SCYL2: variants seen among roughly 807,000 people sequenced by gnomAD.
SCYL2 encodes SCY1-like protein 2.
Under a neutral mutation model 100.4 loss-of-function variants are expected in SCYL2, and 36 were observed. The observed-to-expected ratio is 0.36, with a 90% CI of 0.27 to 0.47. The LOEUF is 0.47. SCYL2 is among the 20% of genes least tolerant of loss of function. The pLI is 1.00. For synonymous variants in SCYL2, 330 were observed against 359.2 expected (o/e 0.92, Z 0.92); for missense variants, 902 against 1,083.9 (o/e 0.83, Z 2.36).
chr12:100,339,051 G>C lies in SCYL2; in HGVS notation c.2669G>C (p.Gly890Ala), dbSNP rs1228598494. 4.3e-6 allele frequency: 7 copies of C among 1,614,076 alleles called. No individual in the cohort carries two copies. Among genetic ancestry groups the C allele is most frequent in the Non-Finnish European group, 5.9e-6 (7 of 1,179,964 alleles). ...SVMGTQMNVI[G>A]QSAFGMQGNP... ...ATGGGGACACAGATGAACGTGATAG[G>C]ACAATCTGCTTTTGGTATGCAGGGT... Residue 890 changes from glycine to alanine, a missense_variant, in exon 18 of 18, where the codon GGA becomes GCA. Physicochemically the swap from Gly to Ala is moderately conservative, Grantham distance 60. Coordinates refer to ENST00000360820, the MANE Select transcript of SCYL2 (RefSeq NM_017988.6).
intron 11 of SCYL2, among the ~76,000 whole-genome samples, chr12:100,324,176 T>C (rs969805436): frequency 2.0e-5 from 3 of 152,160 alleles, no homozygotes. Flanking sequence ...AATACAAAAT[T>C]TTAACATTCA....
intron 2 of SCYL2, among the ~76,000 whole-genome samples, chr12:100,284,822 T>C (rs951403062): frequency 6.6e-6 from 1 of 152,180 alleles, no homozygotes; most frequent in Non-Finnish European, 1.5e-5. Flanking sequence ...ATTATTTTTT[T>C]CTGGAATCTC....
intron 1 of SCYL2, among the ~76,000 whole-genome samples, chr12:100,282,118 G>A (rs1203858905): frequency 1.3e-5 from 2 of 151,844 alleles, no homozygotes; most frequent in Non-Finnish European, 2.9e-5. Context: ...TCTGTCTCCC[G>A]GGTTCAAGCA....
chr12:100,293,516 C>A (rs1043238765), intron 3 of SCYL2, among the ~76,000 whole-genome samples: 1 of 151,298 alleles, frequency 6.6e-6, no homozygotes, highest in Admixed American at 6.6e-5. Flanking sequence ...GTTGTATTTA[C>A]ATGTTTTTTT....
intron 10 of SCYL2, 50 bp downstream of exon 10, chr12:100,317,975 C>T (rs375748672): frequency 3.0e-5 from 45 of 1,497,078 alleles, no homozygotes; most frequent in Non-Finnish European, 3.8e-5. Flanking sequence ...ATTCTTAAAG[C>T]AGAAGAAGAG....
chr12:100,334,329 G>C lies in SCYL2; in HGVS notation c.1862+63G>C. The C allele has an allele frequency of 1.1e-5, 10 of 945,788 alleles. 1 individual carries two copies. In the South Asian group the frequency reaches 1.4e-4, roughly 13 times the overall value. The allele number at this position is 945,788 out of a possible 1,614,324, so 58.6% of individuals were successfully genotyped here. On this transcript the variant is annotated intron_variant, in intron 14 of 17. Coordinates refer to ENST00000360820, the MANE Select transcript of SCYL2 (RefSeq NM_017988.6). ...GTGAAATTATAGTTGTCTTATGATT[G>C]ATTTTCTGGAATATGGAATAGAAAA...
intron 10 of SCYL2, among the ~76,000 whole-genome samples, chr12:100,322,846 G>A (rs1417529029): frequency 2.1e-5 from 3 of 141,738 alleles, no homozygotes; most frequent in East Asian, 4.1e-4. Context: ...GGCAACAAGA[G>A]CAAAACTCCG....
At chr12:100,284,751 C>T (rs1211988526) in intron 2 of SCYL2, among the ~76,000 whole-genome samples, 1 of 152,208 alleles carries the variant, frequency 6.6e-6, no homozygotes, top group African/African-American at 2.4e-5. Flanking sequence ...GCATGAGCCA[C>T]CGCGCCCGGC....
chr12:100,294,059 G>T (rs1010725262), intron 3 of SCYL2, among the ~76,000 whole-genome samples: 1 of 150,030 alleles, frequency 6.7e-6, no homozygotes, highest in African/African-American at 2.4e-5. Flanking sequence ...CTCCCAGACG[G>T]GGTGGTGGCC....
chr12:100,288,336 T>TG (rs1255357199), intron 2 of SCYL2, among the ~76,000 whole-genome samples: 2 of 152,096 alleles, frequency 1.3e-5, no homozygotes, highest in East Asian at 3.9e-4. Flanking sequence ...TTTTAAGAGA[T>TG]GGGGCCTTAC....
At chr12:100,309,133 T>TGTGTGTGTGTGC (rs1442815826) in intron 4 of SCYL2, among the ~76,000 whole-genome samples, 132 of 150,102 alleles carry the variant, frequency 8.8e-4, no homozygotes, top group African/African-American at 1.2e-3. Flanking sequence ...TGTGTGTGTG[T>TGTGTGTGTGTGC]GCGCGCGCGT....
At chr12:100,326,834 C>A in intron 12 of SCYL2, 80 bp downstream of exon 12, 1 of 1,180,880 alleles carries the variant, frequency 8.5e-7, no homozygotes. Context: ...TTATACTCTC[C>A]TTTCGTGTAT....
At chr12:100,306,862 AG>A (rs2096335090) in intron 4 of SCYL2, among the ~76,000 whole-genome samples, 1 of 152,188 alleles carries the variant, frequency 6.6e-6, no homozygotes, top group Non-Finnish European at 1.5e-5. Flanking sequence ...AGACAAACAG[AG>A]AGCCAAATCA....
chr12:100,327,510 G>C (rs1952145457), intron 12 of SCYL2, among the ~76,000 whole-genome samples: 1 of 151,302 alleles, frequency 6.6e-6, no homozygotes, highest in African/African-American at 2.4e-5. Context: ...ATTTAAGGTT[G>C]TTTGCTAATT....
chr12:100,340,659 T>C lies in SCYL2; in HGVS notation c.*1487T>C, dbSNP rs1017558543. 6.6e-6 allele frequency: 1 copy of C among 152,040 alleles called. No individual in the cohort carries two copies. The highest frequency in any genetic ancestry group is 1.5e-5 in the Non-Finnish European group (1 of 67,904). The allele number at this position is 152,040 out of a possible 1,614,324, so 9.4% of individuals were successfully genotyped here. A position where few individuals can be genotyped will look rare whatever the true frequency, so the allele number is the denominator to read the frequency against. ...ATTACAAAATGTAATTTAATTATAT[T>C]ATTGCTGGCAGCATTCAGTTAAGAG... On this transcript the variant is annotated 3_prime_UTR_variant, in exon 18 of 18. Coordinates refer to ENST00000360820, the MANE Select transcript of SCYL2 (RefSeq NM_017988.6).
chr12:100,299,575 T>A (rs1195753606), intron 4 of SCYL2, among the ~76,000 whole-genome samples: 1 of 152,010 alleles, frequency 6.6e-6, no homozygotes, highest in Non-Finnish European at 1.5e-5. Context: ...TCTATCACTA[T>A]GGGTAGATTT....
intron 2 of SCYL2, among the ~76,000 whole-genome samples, 172 bp downstream of exon 2, chr12:100,283,319 A>G (rs1393341738): frequency 6.6e-6 from 1 of 152,238 alleles, no homozygotes; most frequent in Non-Finnish European, 1.5e-5. Context: ...AATGCTTTTA[A>G]ACATGCTCTG....
chr12:100,290,263 T>G (rs1475303945), intron 2 of SCYL2, among the ~76,000 whole-genome samples: 1 of 152,176 alleles, frequency 6.6e-6, no homozygotes, highest in Non-Finnish European at 1.5e-5. Context: ...GAGTGCTGTA[T>G]AGATACATCC....
chr12:100,295,417 T>TGAGTGAAC (rs1384781773), intron 3 of SCYL2, among the ~76,000 whole-genome samples: 4 of 152,178 alleles, frequency 2.6e-5, no homozygotes, highest in African/African-American at 9.7e-5. Context: ...CATTGAGCAC[T>TGAGTGAAC]GAGTGAACGA....
Sources: gnomAD v4.1 joint callset for allele counts (sites outside exome capture counted in the v4.1 genomes callset) on GRCh38, gnomAD v4.1.1 for gene constraint, MANE v1.5 for transcripts, NCBI Gene and HGNC (gene_info 2026-07-23, HGNC 2026-07-21) for gene names.